The following KCNIP4 variants were observed in gnomAD, a reference collection of about 807,000 sequenced individuals.
The protein encoded by KCNIP4 is potassium voltage-gated channel interacting protein 4.
KCNIP4 carries 12 observed loss-of-function variants against 34.0 expected under a neutral mutation model. That is an observed-to-expected ratio of 0.35 (90% confidence interval 0.23 to 0.57). The LOEUF is 0.57. Ranked by LOEUF, KCNIP4 falls within the 20% of genes least tolerant of loss-of-function variation. The probability of loss-of-function intolerance (pLI) is 0.83; values close to 1 mark genes in which losing one functional copy is unlikely to be tolerated. For synonymous variants in KCNIP4, 124 were observed against 102.2 expected (o/e 1.21, Z -1.29); for missense variants, 238 against 311.7 (o/e 0.76, Z 1.78).
intron 1 of KCNIP4, among the ~76,000 whole-genome samples, chr4:21,628,090 A>G (rs1298183842): frequency 1.3e-5 from 2 of 152,136 alleles, no homozygotes; most frequent in African/African-American, 4.8e-5. Flanking sequence ...ATGAGCCTGG[A>G]TTCCTCTGTA....
chr4:21,891,658 T>C (rs1727101700), intron 1 of KCNIP4, among the ~76,000 whole-genome samples: 1 of 152,108 alleles, frequency 6.6e-6, no homozygotes, highest in Non-Finnish European at 1.5e-5. Context: ...AATTCATTAA[T>C]CATTTTGTGT....
intron 1 of KCNIP4, among the ~76,000 whole-genome samples, chr4:21,211,704 T>C (rs1757236364): frequency 6.6e-6 from 1 of 152,190 alleles, no homozygotes; most frequent in Admixed American, 6.6e-5. Flanking sequence ...ACTAGCTATA[T>C]GCTAGGCATT....
At chr4:21,398,028 G>A (rs753678836) in intron 1 of KCNIP4, among the ~76,000 whole-genome samples, 3 of 152,220 alleles carry the variant, frequency 2.0e-5, no homozygotes, top group Admixed American at 6.5e-5. Flanking sequence ...GGACATAGCT[G>A]AATGAGGCTG....
intron 1 of KCNIP4, among the ~76,000 whole-genome samples, chr4:21,425,486 A>C (rs1725850531): frequency 6.6e-6 from 1 of 152,158 alleles, no homozygotes; most frequent in East Asian, 1.9e-4. Flanking sequence ...ATGCACATAA[A>C]GTGGTAAGAA....
chr4:21,682,993 A>C (rs945156128), intron 1 of KCNIP4, among the ~76,000 whole-genome samples: 1 of 152,220 alleles, frequency 6.6e-6, no homozygotes, highest in African/African-American at 2.4e-5. Context: ...TGTTTTTGGA[A>C]GAATGGCGCT....
intron 1 of KCNIP4, among the ~76,000 whole-genome samples, chr4:21,537,227 T>C (rs1354853084): frequency 1.3e-5 from 2 of 152,172 alleles, no homozygotes; most frequent in Admixed American, 6.5e-5. Context: ...TTCTGGCAAA[T>C]GTAGAAGTAC....
intron 1 of KCNIP4, among the ~76,000 whole-genome samples, chr4:21,397,602 G>GATT (rs927578065): frequency 2.8e-4 from 42 of 151,990 alleles, no homozygotes; most frequent in African/African-American, 1.0e-3. Flanking sequence ...TTCAAAACAA[G>GATT]ATATTAAATA....
chr4:20,892,426 T>C lies in KCNIP4; in HGVS notation c.62-9717A>G, dbSNP rs75985752. On this transcript the variant is annotated intron_variant, in intron 1 of 8. Coordinates refer to ENST00000382152, the MANE Select transcript of KCNIP4 (RefSeq NM_025221.6). ...CTCACTCTTTCTTAGTCTTTGTGCC[T>C]TTGCTTTTATCTTTGTCTCTTTGTC... 8.2e-3 allele frequency among the ~76,000 whole-genome samples: 1,243 copies of C among 152,310 alleles called. 7 individuals are homozygous for C. Among genetic ancestry groups the C allele is most frequent in the Non-Finnish European group, 0.012 (825 of 68,026 alleles).
At chr4:20,871,064 T>G (rs1489549646) in intron 2 of KCNIP4, among the ~76,000 whole-genome samples, 2 of 152,196 alleles carry the variant, frequency 1.3e-5, no homozygotes, top group Non-Finnish European at 2.9e-5. Flanking sequence ...AGATCTATCT[T>G]GGTTATCTTA....
At chr4:21,549,795 A>G (rs1738423056) in intron 1 of KCNIP4, among the ~76,000 whole-genome samples, 1 of 152,046 alleles carries the variant, frequency 6.6e-6, no homozygotes, top group African/African-American at 2.4e-5. Flanking sequence ...AAAGTCCTAA[A>G]TGAGATTAAC....
chr4:21,168,218 CCCCAG>C (rs1753775288), intron 1 of KCNIP4, among the ~76,000 whole-genome samples: 2 of 152,148 alleles, frequency 1.3e-5, no homozygotes, highest in African/African-American at 2.4e-5. Flanking sequence ...GTTGCCTTTA[CCCCAG>C]GCTTCTTGGT....
chr4:20,783,694 T>A (rs995466316), intron 3 of KCNIP4, among the ~76,000 whole-genome samples: 8 of 152,134 alleles, frequency 5.3e-5, no homozygotes, highest in African/African-American at 1.9e-4. Flanking sequence ...AGAATATCAG[T>A]TGGTAACACA....
At chr4:21,812,519 G>T (rs1017345347) in intron 1 of KCNIP4, among the ~76,000 whole-genome samples, 1 of 152,148 alleles carries the variant, frequency 6.6e-6, no homozygotes, top group Non-Finnish European at 1.5e-5. Context: ...CTGTCAAGAG[G>T]TTGGGCTAGT....
At chr4:21,543,460 G>A (rs1737869115) in intron 1 of KCNIP4, among the ~76,000 whole-genome samples, 1 of 151,280 alleles carries the variant, frequency 6.6e-6, no homozygotes, top group South Asian at 2.1e-4. Context: ...TGTAATCTCT[G>A]GACCCCATGA....
chr4:20,885,196 A>C (rs1464564074), intron 1 of KCNIP4, among the ~76,000 whole-genome samples: 1 of 152,168 alleles, frequency 6.6e-6, no homozygotes, highest in Non-Finnish European at 1.5e-5. Flanking sequence ...AAGCTAATGA[A>C]AGATCACCAG....
chr4:21,212,809 C>T (rs1399197817), intron 1 of KCNIP4, among the ~76,000 whole-genome samples: 1 of 152,278 alleles, frequency 6.6e-6, no homozygotes, highest in African/African-American at 2.4e-5. Flanking sequence ...ACTCTTAATA[C>T]CATTACAGTG....
intron 1 of KCNIP4, among the ~76,000 whole-genome samples, chr4:21,538,530 T>C (rs1327805522): frequency 6.6e-6 from 1 of 152,190 alleles, no homozygotes; most frequent in Non-Finnish European, 1.5e-5. Flanking sequence ...AGACAATGAC[T>C]TCTCATCCTC....
At chr4:21,021,877 A>ATAGTATAGTATAGTG (rs1740091963) in intron 1 of KCNIP4, among the ~76,000 whole-genome samples, 2 of 151,538 alleles carry the variant, frequency 1.3e-5, no homozygotes, top group Admixed American at 6.6e-5. Flanking sequence ...ATAGTATAGT[A>ATAGTATAGTATAGTG]TAGTATAGTA....
At chr4:20,973,011 A>T (rs1735129255) in intron 1 of KCNIP4, among the ~76,000 whole-genome samples, 1 of 152,184 alleles carries the variant, frequency 6.6e-6, no homozygotes, top group Non-Finnish European at 1.5e-5. Context: ...AATCCTGGTG[A>T]AGTCTAGGTT....
Sources: gnomAD v4.1 joint callset for allele counts (sites outside exome capture counted in the v4.1 genomes callset) on GRCh38, gnomAD v4.1.1 for gene constraint, MANE v1.5 for transcripts, NCBI Gene and HGNC (gene_info 2026-07-23, HGNC 2026-07-21) for gene names.